ANKS1B: variants seen among roughly 807,000 people sequenced by gnomAD.
ANKS1B encodes ankyrin repeat and sterile alpha motif domain-containing protein 1B.
A neutral mutation model predicts 148.3 loss-of-function variants in ANKS1B; 36 were observed. The observed-to-expected ratio is 0.24, with a 90% CI of 0.19 to 0.32. The LOEUF is 0.32. ANKS1B is among the 10% of genes least tolerant of loss of function. ANKS1B has a pLI of 1.00. For missense variants in ANKS1B, 1,157 were observed against 1,542.6 expected, an observed-to-expected ratio of 0.75 and a Z score of 4.19; for synonymous variants, 542 against 560.8, an observed-to-expected ratio of 0.97 and a Z score of 0.47.
chr12:99,055,244 C>T (rs1477561999), intron 16 of ANKS1B, among the ~76,000 whole-genome samples: 1 of 152,120 alleles, frequency 6.6e-6, no homozygotes, highest in East Asian at 1.9e-4. Flanking sequence ...TCACTCTGGC[C>T]CCAGGAATCT....
chr12:99,717,647 C>A (rs1334639380), intron 8 of ANKS1B, among the ~76,000 whole-genome samples: 1 of 152,204 alleles, frequency 6.6e-6, no homozygotes, highest in Non-Finnish European at 1.5e-5. Flanking sequence ...ATCTTCTCGG[C>A]TTAGTGGCTG....
At chr12:99,193,374 T>A (rs924101274) in intron 14 of ANKS1B, among the ~76,000 whole-genome samples, 1 of 152,264 alleles carries the variant, frequency 6.6e-6, no homozygotes, top group African/African-American at 2.4e-5. Context: ...ACCCAGAAAC[T>A]AAGAAAAATC....
At chr12:99,721,218 C>T (rs2058053592) in intron 8 of ANKS1B, among the ~76,000 whole-genome samples, 1 of 152,164 alleles carries the variant, frequency 6.6e-6, no homozygotes. Context: ...CTCGAAGCAG[C>T]CCTGAGAAAC....
chr12:99,700,358 G>A (rs1175524465), intron 8 of ANKS1B, among the ~76,000 whole-genome samples: 1 of 152,094 alleles, frequency 6.6e-6, no homozygotes, highest in Non-Finnish European at 1.5e-5. Context: ...GCCTGAAACT[G>A]AGGATAGTAC....
intron 8 of ANKS1B, among the ~76,000 whole-genome samples, chr12:99,734,069 C>T (rs2059403333): frequency 1.3e-5 from 2 of 152,282 alleles, no homozygotes; most frequent in African/African-American, 4.8e-5. Flanking sequence ...TCACTCCTCA[C>T]TCTCAGAGGC....
chr12:99,330,545 C>A (rs1321964818), intron 12 of ANKS1B, among the ~76,000 whole-genome samples: 1 of 151,992 alleles, frequency 6.6e-6, no homozygotes, highest in Non-Finnish European at 1.5e-5. Context: ...TCCAAAGGAT[C>A]TTCTGGGATT....
intron 11 of ANKS1B, among the ~76,000 whole-genome samples, chr12:99,412,261 C>T (rs10860433): frequency 0.26 from 39,236 of 151,956 alleles, 5,247 homozygotes; most frequent in East Asian, 0.42. Context: ...TTTCCTCAAC[C>T]ATCTGGTGTC....
At chr12:98,954,172 G>C (rs2099858635) in intron 17 of ANKS1B, among the ~76,000 whole-genome samples, 1 of 152,172 alleles carries the variant, frequency 6.6e-6, no homozygotes, top group African/African-American at 2.4e-5. Flanking sequence ...TAGATACTTA[G>C]ATAATACTCA....
chr12:99,951,909 G>A (rs2095231719), intron 1 of ANKS1B, among the ~76,000 whole-genome samples: 1 of 151,966 alleles, frequency 6.6e-6, no homozygotes, highest in African/African-American at 2.4e-5. Flanking sequence ...GGTAGGACAG[G>A]GACCTGTTTC....
chr12:99,677,432 G>A, intron 8 of ANKS1B, among the ~76,000 whole-genome samples: 1 of 152,036 alleles, frequency 6.6e-6, no homozygotes, highest in East Asian at 1.9e-4. Flanking sequence ...CTTTTTTGGA[G>A]GAGAGGAAAG....
At chr12:98,893,121 C>T (rs1217506188) in intron 17 of ANKS1B, among the ~76,000 whole-genome samples, 2 of 152,130 alleles carry the variant, frequency 1.3e-5, no homozygotes, top group Admixed American at 6.5e-5. Context: ...ATCAAGTCTC[C>T]CAGGCAGCAT....
intron 12 of ANKS1B, among the ~76,000 whole-genome samples, chr12:99,300,783 G>A (rs2081489556): frequency 6.6e-6 from 1 of 152,126 alleles, no homozygotes; most frequent in Admixed American, 6.6e-5. Context: ...AGGTTTAGAG[G>A]CATACTTTGG....
chr12:99,260,679 T>C (rs936618505), intron 12 of ANKS1B, among the ~76,000 whole-genome samples: 2 of 152,192 alleles, frequency 1.3e-5, no homozygotes, highest in Non-Finnish European at 2.9e-5. Flanking sequence ...GCAACAATGA[T>C]GTTCAACTCT....
At chr12:99,186,134 C>T (rs1351620938) in intron 14 of ANKS1B, among the ~76,000 whole-genome samples, 1 of 152,218 alleles carries the variant, frequency 6.6e-6, no homozygotes, top group African/African-American at 2.4e-5. Context: ...GAAGTTCCAA[C>T]TGTGCACAGC....
intron 22 of ANKS1B, among the ~76,000 whole-genome samples, chr12:98,787,339 C>T (rs1268178909): frequency 6.6e-6 from 1 of 152,120 alleles, no homozygotes; most frequent in African/African-American, 2.4e-5. Context: ...TCTCTTGTTC[C>T]CCTCTCTGCC....
intron 1 of ANKS1B, among the ~76,000 whole-genome samples, chr12:99,864,079 C>CAAAAA (rs11445634): frequency 6.1e-5 from 4 of 65,240 alleles, no homozygotes; most frequent in Non-Finnish European, 8.2e-5. Flanking sequence ...GACTACATCT[C>CAAAAA]AAAAAAAAAA....
Position 99,690,881 on chromosome 12 carries a change from C to G in ANKS1B, c.1129-35671G>C, listed in dbSNP as rs2098675675. Among the ~76,000 whole-genome samples, 3 of 152,342 alleles carry G rather than the reference C, an allele frequency of 2.0e-5. No homozygotes were observed. In the South Asian group the frequency reaches 6.2e-4, roughly 32 times the overall value. On this transcript the variant is annotated intron_variant, in intron 8 of 26. Transcript: ENST00000683438. Reference sequence around the variant, plus strand: ...GGAACTCTGTGTGGAGGCTTCAACCCCACATTTTCCTTCCCTACTGACCTA... The same window carrying G: ...GGAACTCTGTGTGGAGGCTTCAACCGCACATTTTCCTTCCCTACTGACCTA...
intron 15 of ANKS1B, among the ~76,000 whole-genome samples, chr12:99,140,288 G>A (rs886128336): frequency 6.6e-6 from 1 of 152,166 alleles, no homozygotes; most frequent in Non-Finnish European, 1.5e-5. Context: ...AGTCTGTGGT[G>A]AGTAAGAGTA....
chr12:99,669,698 G>GAA (rs2098527326), intron 8 of ANKS1B, among the ~76,000 whole-genome samples: 1 of 152,094 alleles, frequency 6.6e-6, no homozygotes, highest in African/African-American at 2.4e-5. Context: ...TGTGCAGATT[G>GAA]ATATTCAACT....
Sources: allele counts gnomAD v4.1 joint callset (sites outside exome capture counted in the v4.1 genomes callset), GRCh38; gene constraint gnomAD v4.1.1; transcripts MANE v1.5; gene names NCBI Gene and HGNC (gene_info 2026-07-23, HGNC 2026-07-21).